KPNA5: variants seen among roughly 807,000 people sequenced by gnomAD.
The protein encoded by KPNA5 is karyopherin subunit alpha 5, also known as importin subunit alpha-6.
A neutral mutation model predicts 71.3 loss-of-function variants in KPNA5; 46 were observed. The ratio of observed to expected loss-of-function variants is 0.65; its 90% CI spans 0.51 to 0.83. The LOEUF (loss-of-function observed/expected upper bound fraction) is 0.83, where lower values mean the gene tolerates loss of function less well. Among genes scored for constraint, KPNA5 ranks in the 40% least tolerant of loss-of-function variants. KPNA5 has a pLI of 0.00. For missense variants in KPNA5, 547 were observed against 628.3 expected (o/e 0.87, Z 1.38); for synonymous variants, 207 against 201.4 (o/e 1.03, Z -0.24).
chr6:116,729,532 C>T (rs762406068), intron 12 of KPNA5, 31 bp from the exon 13 acceptor site: 18 of 1,335,750 alleles, frequency 1.3e-5, no homozygotes, highest in Middle Eastern at 2.6e-4. Flanking sequence ...TCTTTTTTTC[C>T]CTGTTTCTTC....
At chr6:116,717,113 C>T (rs543116324) in intron 8 of KPNA5, among the ~76,000 whole-genome samples, 7 of 152,088 alleles carry the variant, frequency 4.6e-5, no homozygotes, top group Admixed American at 6.6e-5. Context: ...CCCTTTTAAC[C>T]GAGGTGAAGA....
chr6:116,705,493 G>A (rs1778406336), intron 7 of KPNA5, among the ~76,000 whole-genome samples: 1 of 152,082 alleles, frequency 6.6e-6, no homozygotes. Context: ...TGAACAGACA[G>A]TATATTTAGG....
rs190889862 is a variant in KPNA5, at chr6:116,697,757, A to T, written c.341-947A>T. Among the ~76,000 whole-genome samples the T allele has an allele frequency of 7.8e-4, 119 of 152,166 alleles. 1 individual carries two copies. Among genetic ancestry groups the T allele is most frequent in the African/African-American group, 2.5e-3 (103 of 41,580 alleles). On this transcript the variant is annotated intron_variant, in intron 4 of 13. Transcript: ENST00000368564. ...TAGTAATATACAATTTAGGTGGTGGATGCAGGGCAAGGGAAGGAATAACCA... is the reference window on the plus strand; with the variant it reads ...TAGTAATATACAATTTAGGTGGTGGTTGCAGGGCAAGGGAAGGAATAACCA...
chr6:116,716,411 G>T, intron 8 of KPNA5, 93 bp downstream of exon 8: 1 of 817,184 alleles, frequency 1.2e-6, no homozygotes, highest in Admixed American at 2.6e-5. Flanking sequence ...TCCACTTTTT[G>T]TTTAGTAATT....
chr6:116,694,069 G>T (rs1445781921), intron 4 of KPNA5, among the ~76,000 whole-genome samples: 1 of 152,210 alleles, frequency 6.6e-6, no homozygotes, highest in Non-Finnish European at 1.5e-5. Context: ...TTATTTCTGA[G>T]GGCTCTGTTC....
At chr6:116,720,328 T>G (rs1779055282) in intron 8 of KPNA5, among the ~76,000 whole-genome samples, 1 of 152,180 alleles carries the variant, frequency 6.6e-6, no homozygotes. Flanking sequence ...TTATTCACTT[T>G]TGTCTTTATA....
Position 116,732,345 on chromosome 6 carries a change from T to C in KPNA5, c.*22T>C. 1 of 1,428,386 alleles carries C rather than the reference T, an allele frequency of 7.0e-7. No homozygotes were observed. Among genetic ancestry groups the C allele is most frequent in the African/African-American group, 1.5e-5 (1 of 68,316 alleles). The allele number at this position is 1,428,386 out of a possible 1,614,324, so 88.5% of individuals were successfully genotyped here. On this transcript the variant is annotated 3_prime_UTR_variant, in exon 14 of 14. Coordinates refer to ENST00000368564, the MANE Select transcript of KPNA5 (RefSeq NM_001366306.2). The stretch of plus-strand genomic sequence containing the variant: ...TTAACTTACTGGAGGAAAAAAAATT[T>C]ATGGCTAAAAAGGGTAGCTTCAGGT...
chr6:116,696,406 CTT>C (rs1451541513), intron 4 of KPNA5, among the ~76,000 whole-genome samples: 1 of 152,130 alleles, frequency 6.6e-6, no homozygotes, highest in Non-Finnish European at 1.5e-5. Context: ...CAACAGGAAA[CTT>C]TGCCTCTTTT....
intron 10 of KPNA5, 143 bp from the exon 11 acceptor site, chr6:116,725,608 G>C: frequency 5.6e-6 from 4 of 708,550 alleles, no homozygotes; most frequent in Non-Finnish European, 6.6e-6. Flanking sequence ...GTAGAAGACA[G>C]CAAGTTTTAC....
chr6:116,702,647 C>T (rs934892811), intron 6 of KPNA5, among the ~76,000 whole-genome samples: 5 of 152,020 alleles, frequency 3.3e-5, no homozygotes, highest in African/African-American at 9.7e-5. Context: ...CCAGCCTGGG[C>T]GACAGAGCGA....
Position 116,740,084 on chromosome 6 carries a change from T to C in KPNA5, c.*7761T>C, listed in dbSNP as rs1779815016. On this transcript the variant is annotated 3_prime_UTR_variant, in exon 14 of 14. Transcript: ENST00000368564. ...CAACCTACAAAATGGGAGAAAATTT[T>C]CACAACCTACTCATCTGACAAAGGG... 1 of 151,710 alleles carries C rather than the reference T, an allele frequency of 6.6e-6. No homozygotes were observed. The highest frequency in any genetic ancestry group is 1.9e-4 in the East Asian group (1 of 5,196). 9.4% of individuals were successfully genotyped at this position (151,710 alleles called of 1,614,324 possible).
Position 116,738,438 on chromosome 6 carries a change from C to A in KPNA5, c.*6115C>A, listed in dbSNP as rs985986318. 4.6e-5 allele frequency: 7 copies of A among 152,052 alleles called. No individual in the cohort carries two copies. The highest frequency in any genetic ancestry group is 2.1e-4 in the South Asian group (1 of 4,824). 9.4% of individuals were successfully genotyped at this position (152,052 alleles called of 1,614,324 possible). The stretch of plus-strand genomic sequence containing the variant: ...CCAGAGGTACAAGGAGGAACTGGTA[C>A]CATTCCTTCTGAAACTATTCCAATC... On this transcript the variant is annotated 3_prime_UTR_variant, in exon 14 of 14. Transcript: ENST00000368564.
chr6:116,712,662 G>A (rs754701516), intron 7 of KPNA5, among the ~76,000 whole-genome samples: 3 of 152,014 alleles, frequency 2.0e-5, no homozygotes, highest in East Asian at 3.9e-4. Flanking sequence ...ACAGAGTCTC[G>A]TTATGTTGCC....
chr6:116,722,198 T>C lies in KPNA5; in HGVS notation c.829T>C (p.Trp277Arg). Residue 277 changes from tryptophan to arginine, a missense_variant, in exon 9 of 14, where the codon TGG becomes CGG. By Grantham distance (101) the Trp-to-Arg change is moderately radical. Transcript: ENST00000368564. ...SDPDVLADVC[W>R]ALSYLSDGPN... ...CCCAGATGTGTTAGCAGACGTGTGT[T>C]GGGCCCTTTCTTATCTCTCCGATGG... 1 of 1,613,422 alleles carries C rather than the reference T, an allele frequency of 6.2e-7. No homozygotes were observed. The highest frequency in any genetic ancestry group is 8.5e-7 in the Non-Finnish European group (1 of 1,179,576).
rs1056581233 is a variant in KPNA5, at chr6:116,689,343, G to C, written c.28G>C (p.Asp10His). 1 of 1,604,442 alleles carries C rather than the reference G, an allele frequency of 6.2e-7. No homozygotes were observed. The highest frequency in any genetic ancestry group is 8.5e-7 in the Non-Finnish European group (1 of 1,177,468). The change falls in exon 2 of 14, where the codon GAT (aspartate) becomes CAT (histidine). Residue 10 changes from aspartate to histidine, a missense_variant. Asp to His is a moderately conservative substitution (Grantham distance 81). Coordinates refer to ENST00000368564, the MANE Select transcript of KPNA5 (RefSeq NM_001366306.2). MDAMASPGKDNYRMKSYKNK... is the reference protein window; with the variant it reads MDAMASPGKHNYRMKSYKNK... ...AGATGCCATGGCTAGTCCAGGGAAA[G>C]ATAACTATAGAATGAAAAGTTATAA...
intron 7 of KPNA5, among the ~76,000 whole-genome samples, chr6:116,709,337 A>G (rs1778564546): frequency 6.6e-6 from 1 of 152,004 alleles, no homozygotes; most frequent in African/African-American, 2.4e-5. Flanking sequence ...AGCTGGGAAT[A>G]CAGGCGTGCA....
At chr6:116,709,557 T>C (rs1460205613) in intron 7 of KPNA5, among the ~76,000 whole-genome samples, 2 of 152,196 alleles carry the variant, frequency 1.3e-5, no homozygotes, top group Non-Finnish European at 2.9e-5. Flanking sequence ...GTTTCATTTC[T>C]TGCTTTCCAA....
At chr6:116,705,726 A>T (rs1040708072) in intron 7 of KPNA5, among the ~76,000 whole-genome samples, 1 of 152,184 alleles carries the variant, frequency 6.6e-6, no homozygotes, top group South Asian at 2.1e-4. Context: ...GATTAAGAGG[A>T]TCTTTATGTA....
At position 116,739,007 on chromosome 6, in the gene KPNA5, T is replaced by G. The variant is rs1779769921; in HGVS notation, c.*6684T>G. 1 of 151,486 alleles carries G rather than the reference T, an allele frequency of 6.6e-6. No homozygotes were observed. Among genetic ancestry groups the G allele is most frequent in the African/African-American group, 2.4e-5 (1 of 41,244 alleles). The allele number at this position is 151,486 out of a possible 1,614,324, so 9.4% of individuals were successfully genotyped here. A position where few individuals can be genotyped will look rare whatever the true frequency, so the allele number is the denominator to read the frequency against. Reference sequence around the variant, plus strand: ...GTGTTGGAAGTTCTGGCCAGGGCAATTAGGCAGGAGAAGGAAATAAAGGGT... The same window carrying G: ...GTGTTGGAAGTTCTGGCCAGGGCAAGTAGGCAGGAGAAGGAAATAAAGGGT... On this transcript the variant is annotated 3_prime_UTR_variant, in exon 14 of 14. Transcript: ENST00000368564.
Sources: gnomAD v4.1 joint callset for allele counts (sites outside exome capture counted in the v4.1 genomes callset) on GRCh38, gnomAD v4.1.1 for gene constraint, MANE v1.5 for transcripts, NCBI Gene and HGNC (gene_info 2026-07-23, HGNC 2026-07-21) for gene names.